Variants in MAP7D2 observed in about 807,000 individuals in gnomAD.
MAP7D2 encodes the protein MAP7 domain-containing protein 2.
In MAP7D2, 33 loss-of-function variants were observed where a neutral mutation model predicts 63.5. The ratio of observed to expected loss-of-function variants is 0.52; its 90% confidence interval spans 0.39 to 0.70. The LOEUF (loss-of-function observed/expected upper bound fraction) is 0.70. Among genes scored for constraint, MAP7D2 ranks in the 30% least tolerant of loss-of-function variants. The pLI is 0.00. For missense variants in MAP7D2, 626 were observed against 604.0 expected, an observed-to-expected ratio of 1.04 and a Z score of -0.38; for synonymous variants, 224 against 223.7, an observed-to-expected ratio of 1.00 and a Z score of -0.01.
intron 1 of MAP7D2, among the ~76,000 whole-genome samples, chrX:20,091,835 T>A (rs2066078621): frequency 8.9e-6 from 1 of 111,907 alleles, no homozygotes; most frequent in Non-Finnish European, 1.9e-5. Flanking sequence ...ATAGACTAAA[T>A]AGGATCCTGG....
intron 10 of MAP7D2, among the ~76,000 whole-genome samples, chrX:20,019,525 A>G (rs1409196605): frequency 2.7e-5 from 3 of 109,587 alleles, no homozygotes; most frequent in African/African-American, 1.0e-4. Flanking sequence ...TCTGTTGGAA[A>G]CTCCAGCACC....
chrX:20,092,414 A>G (rs1050328555), intron 1 of MAP7D2, among the ~76,000 whole-genome samples: 1 of 111,680 alleles, frequency 9.0e-6, no homozygotes, highest in African/African-American at 3.3e-5. Context: ...CCTAAAGTCC[A>G]GACCCACCAA....
chrX:20,070,037 C>T (rs2065461458), intron 1 of MAP7D2, among the ~76,000 whole-genome samples: 1 of 111,701 alleles, frequency 9.0e-6, no homozygotes, highest in Admixed American at 9.5e-5. Flanking sequence ...CAACCTCCGC[C>T]TCCCGGGCTC....
intron 3 of MAP7D2, 87 bp from the exon 4 acceptor site, chrX:20,056,878 C>T: frequency 1.2e-6 from 1 of 841,664 alleles, no homozygotes; most frequent in Admixed American, 2.6e-5. Flanking sequence ...CAGTGTGAGT[C>T]ACCAAATGGG....
At chrX:20,093,608 G>A (rs1282460562) in intron 1 of MAP7D2, among the ~76,000 whole-genome samples, 1 of 111,027 alleles carries the variant, frequency 9.0e-6, no homozygotes, top group Non-Finnish European at 1.9e-5. Flanking sequence ...AGCGAGCCAT[G>A]ATCGCGCCAC....
chrX:20,010,643 G>T, intron 16 of MAP7D2, 134 bp downstream of exon 16: 1 of 499,446 alleles, frequency 2.0e-6, no homozygotes, highest in Non-Finnish European at 3.3e-6. Flanking sequence ...GTGTGTTGTA[G>T]TATACCATAA....
At chrX:20,073,330 G>A (rs1201901006) in intron 1 of MAP7D2, among the ~76,000 whole-genome samples, 1 of 111,207 alleles carries the variant, frequency 9.0e-6, no homozygotes, top group East Asian at 2.8e-4. Flanking sequence ...AAACTGGGGA[G>A]CAAAAATAAA....
chrX:20,028,597 T>C, intron 8 of MAP7D2, among the ~76,000 whole-genome samples: 1 of 111,613 alleles, frequency 9.0e-6, no homozygotes, highest in Non-Finnish European at 1.9e-5. Context: ...ATACAGCTGG[T>C]GGTCTTTTGC....
chrX:20,095,525 C>A (rs949240665), intron 1 of MAP7D2, among the ~76,000 whole-genome samples: 1 of 111,164 alleles, frequency 9.0e-6, no homozygotes, highest in African/African-American at 3.3e-5. Context: ...GGGAACAGAG[C>A]AAGACCCACC....
At position 20,109,061 on chromosome X, in the gene MAP7D2, A is replaced by G. The variant is rs1249402625; in HGVS notation, c.130+7689T>C. 3.7e-5 allele frequency among the ~76,000 whole-genome samples: 4 copies of G among 109,137 alleles called. No individual in the cohort carries two copies. The Admixed American group carries it at 4.1e-4, about 11-fold the overall frequency. The allele number at this position is 109,137 out of a possible 115,157, so 94.8% of individuals were successfully genotyped here. A position where few individuals can be genotyped will look rare whatever the true frequency, so the allele number is the denominator to read the frequency against. Reference sequence around the variant, plus strand: ...AGATCCCCATCGCCTTTGGGGAGAAAAACAACTGTGTACTAAGTAAAAGGC... The same window carrying G: ...AGATCCCCATCGCCTTTGGGGAGAAGAACAACTGTGTACTAAGTAAAAGGC... On this transcript the variant is annotated intron_variant, in intron 1 of 16. Coordinates refer to ENST00000379643, the MANE Select transcript of MAP7D2 (RefSeq NM_001168465.2).
In MAP7D2 at chrX:20,056,693, G is replaced by A. The variant is rs61745981; in HGVS notation, c.471C>T (p.Pro157=). ...YSWGAPLAIG[P]GGHDACDKLS... ...CCCTACACTCACCATCATGTCCTCC[G>A]GGTCCAATGGCCAGTGGTGCTCCCC... The change falls in exon 4 of 17, where the codon CCC becomes CCT. Residue 157 remains proline (P), a synonymous_variant. Coordinates refer to ENST00000379643, the MANE Select transcript of MAP7D2 (RefSeq NM_001168465.2). The A allele has an allele frequency of 4.4e-3, 5,308 of 1,207,601 alleles. 164 individuals carry two copies. The African/African-American group carries it at 0.083, about 19-fold the overall frequency.
chrX:20,073,978 T>G (rs1475827577), intron 1 of MAP7D2, among the ~76,000 whole-genome samples: 3 of 106,926 alleles, frequency 2.8e-5, no homozygotes, highest in Non-Finnish European at 5.8e-5. Context: ...CTACTAAAAA[T>G]AGAAAAATTA....
At chrX:20,010,503 C>T (rs941465784) in intron 16 of MAP7D2, among the ~76,000 whole-genome samples, 2 of 112,130 alleles carry the variant, frequency 1.8e-5, no homozygotes, top group African/African-American at 6.5e-5. Context: ...TCAGGCTGGA[C>T]TGGTAGTCAA....
intron 10 of MAP7D2, among the ~76,000 whole-genome samples, chrX:20,018,316 C>CA (rs1334419772): frequency 9.1e-6 from 1 of 110,099 alleles, no homozygotes; most frequent in Non-Finnish European, 1.9e-5. Context: ...CAGATGCACA[C>CA]ATGTAAGAAC....
intron 8 of MAP7D2, among the ~76,000 whole-genome samples, chrX:20,034,289 C>T (rs1447248126): frequency 1.9e-5 from 2 of 105,751 alleles, no homozygotes; most frequent in African/African-American, 7.0e-5. Flanking sequence ...GTGGCTCGCA[C>T]CTGTAACCTG....
At chrX:20,097,804 C>CA (rs1418872338) in intron 1 of MAP7D2, among the ~76,000 whole-genome samples, 1 of 111,355 alleles carries the variant, frequency 9.0e-6, no homozygotes, top group African/African-American at 3.3e-5. Flanking sequence ...CTGTCCCTCC[C>CA]AAAAAAATCA....
chrX:20,037,517 T>C (rs1445414271), intron 8 of MAP7D2, among the ~76,000 whole-genome samples: 2 of 111,818 alleles, frequency 1.8e-5, no homozygotes, highest in Admixed American at 1.9e-4. Context: ...AGGCACCACC[T>C]GAAAGTGGAC....
At chrX:20,038,429 TG>T (rs1376436066) in intron 8 of MAP7D2, among the ~76,000 whole-genome samples, 1 of 111,687 alleles carries the variant, frequency 9.0e-6, no homozygotes, top group African/African-American at 3.3e-5. Flanking sequence ...GATAGAACAG[TG>T]GAATGGCCTT....
intron 1 of MAP7D2, among the ~76,000 whole-genome samples, chrX:20,105,723 C>T (rs979608890): frequency 2.7e-5 from 3 of 111,375 alleles, no homozygotes; most frequent in Non-Finnish European, 5.7e-5. Flanking sequence ...ACTCAGCAGA[C>T]CCTACCCAGC....
Sources: gnomAD v4.1 joint callset for allele counts (sites outside exome capture counted in the v4.1 genomes callset) on GRCh38, gnomAD v4.1.1 for gene constraint, MANE v1.5 for transcripts, NCBI Gene and HGNC (gene_info 2026-07-23, HGNC 2026-07-21) for gene names.